Variants in SCAPER observed in about 807,000 individuals in gnomAD.
SCAPER encodes the protein S-phase cyclin A associated protein in the ER, also known as S phase cyclin A-associated protein in the endoplasmic reticulum.
A neutral mutation model predicts 182.2 loss-of-function variants in SCAPER; 98 were observed. That is an observed-to-expected ratio of 0.54 (90% confidence interval 0.46 to 0.64). The LOEUF is 0.64. Ranked by LOEUF, SCAPER falls within the 30% of genes least tolerant of loss-of-function variation. SCAPER has a pLI of 0.00. For missense variants in SCAPER, 1,432 were observed against 1,690.0 expected (o/e 0.85, Z 2.68); for synonymous variants, 605 against 564.6 (o/e 1.07, Z -1.01).
At chr15:76,607,712 A>C (rs1040480851) in intron 22 of SCAPER, among the ~76,000 whole-genome samples, 1 of 151,716 alleles carries the variant, frequency 6.6e-6, no homozygotes, top group Non-Finnish European at 1.5e-5. Flanking sequence ...AGCTTTGTTC[A>C]TTTCTTTTTA....
At chr15:76,624,780 C>T (rs886915449) in intron 21 of SCAPER, among the ~76,000 whole-genome samples, 3 of 152,164 alleles carry the variant, frequency 2.0e-5, no homozygotes, top group Non-Finnish European at 2.9e-5. Context: ...CTGATACCGG[C>T]GTTAGCAGGT....
In SCAPER at chr15:76,504,975, C is replaced by A; in HGVS notation, c.2839-1G>T. The A allele has an allele frequency of 6.2e-7, 1 of 1,609,438 alleles. No individual in the cohort carries two copies. The highest frequency in any genetic ancestry group is 8.5e-7 in the Non-Finnish European group (1 of 1,177,978). ...GAAATGCAATCTGATCTGCCACATT[C>A]TAGACAGAAATACAAACAGAAGTTA... On this transcript the variant is annotated splice_acceptor_variant, in intron 23 of 31. Transcript: ENST00000563290. LOFTEE classifies it high-confidence loss of function.
At chr15:76,884,045 G>A (rs1483524398) in intron 1 of SCAPER, among the ~76,000 whole-genome samples, 169 bp from the exon 2 acceptor site, 1 of 152,076 alleles carries the variant, frequency 6.6e-6, no homozygotes, top group Non-Finnish European at 1.5e-5. Context: ...AATATTCCAT[G>A]CTGAACAAGA....
At chr15:76,779,777 C>T (rs572127959) in intron 8 of SCAPER, among the ~76,000 whole-genome samples, 12 of 151,080 alleles carry the variant, frequency 7.9e-5, no homozygotes, top group Admixed American at 6.6e-5. Context: ...TGAACTGAGA[C>T]GCAAACATTT....
At chr15:76,555,653 T>C (rs1353868055) in intron 23 of SCAPER, among the ~76,000 whole-genome samples, 3 of 152,142 alleles carry the variant, frequency 2.0e-5, no homozygotes, top group African/African-American at 7.2e-5. Flanking sequence ...AGGGCATACA[T>C]AATAGTAAAG....
At chr15:76,418,531 C>T (rs1174633833) in intron 26 of SCAPER, among the ~76,000 whole-genome samples, 3 of 152,228 alleles carry the variant, frequency 2.0e-5, no homozygotes, top group Non-Finnish European at 4.4e-5. Flanking sequence ...CAGATCATCT[C>T]GGAACCAGAC....
At chr15:76,874,734 A>G (rs2073024254) in intron 2 of SCAPER, among the ~76,000 whole-genome samples, 1 of 152,192 alleles carries the variant, frequency 6.6e-6, no homozygotes, top group African/African-American at 2.4e-5. Context: ...AGGCAGGAGG[A>G]CTGCTTGAGA....
At position 76,760,939 on chromosome 15, in the gene SCAPER, C is replaced by A. The variant is rs528053544; in HGVS notation, c.1725+4022G>T. ...AAAATTTCAAGAAAGGTTGGTACTA[C>A]TTCTCCTTTATATGTTTCATAGAAT... On this transcript the variant is annotated intron_variant, in intron 14 of 31. Transcript: ENST00000563290. Among the ~76,000 whole-genome samples, 15 of 152,270 alleles carry A rather than the reference C, an allele frequency of 9.9e-5. No homozygotes were observed. In the East Asian group the frequency reaches 2.9e-3, roughly 29 times the overall value.
chr15:76,490,345 G>A (rs893488606), intron 24 of SCAPER, among the ~76,000 whole-genome samples: 1 of 152,144 alleles, frequency 6.6e-6, no homozygotes, highest in Non-Finnish European at 1.5e-5. Flanking sequence ...GGTGTGAGGT[G>A]CTATTTCGTT....
In SCAPER at chr15:76,389,690, C is replaced by T. The variant is rs547303662; in HGVS notation, c.3468-8075G>A. On this transcript the variant is annotated intron_variant, in intron 27 of 31. Transcript: ENST00000563290. ...AAAATTAGCTGGGCGTGGTGGCGGG[C>T]GCCTGTAGTCCCAGCTACATGGGGG... is the stretch of plus-strand genomic sequence containing the variant. 2.5e-4 allele frequency among the ~76,000 whole-genome samples: 38 copies of T among 149,522 alleles called. 1 individual carries two copies. The South Asian group carries it at 8.1e-3, about 32-fold the overall frequency.
chr15:76,451,988 CTT>C lies in SCAPER; in HGVS notation c.3079-17680_3079-17679del, dbSNP rs543856344. Among the ~76,000 whole-genome samples, 130 of 152,262 alleles carry C rather than the reference CTT, an allele frequency of 8.5e-4. 1 individual carries two copies. The highest frequency in any genetic ancestry group is 3.0e-3 in the African/African-American group (124 of 41,558). Reference sequence around the variant, plus strand: ...CCCACACCTGATCCACTTCTATTCTCTTTTCCTCTTCATTTTATCTCCTTCCT... The same window carrying C: ...CCCACACCTGATCCACTTCTATTCTCTTCCTCTTCATTTTATCTCCTTCCT... On this transcript the variant is annotated intron_variant, in intron 25 of 31. Coordinates refer to ENST00000563290, the MANE Select transcript of SCAPER (RefSeq NM_020843.4).
chr15:76,814,656 C>T (rs1006463437), intron 5 of SCAPER, among the ~76,000 whole-genome samples: 4 of 152,142 alleles, frequency 2.6e-5, no homozygotes, highest in Non-Finnish European at 5.9e-5. Context: ...AACTATAAAA[C>T]TTCTAGAAGA....
Position 76,502,519 on chromosome 15 carries a change from C to A in SCAPER, c.2954+2340G>T, listed in dbSNP as rs2041222038. ...ATCTCACTCATAGGTGGGAATTGAA[C>A]AATGAGAACACTTGGACACAGGGTG... is the stretch of plus-strand genomic sequence containing the variant. On this transcript the variant is annotated intron_variant, in intron 24 of 31. Transcript: ENST00000563290. Among the ~76,000 whole-genome samples the A allele has an allele frequency of 7.0e-5, 10 of 143,768 alleles. No individual in the cohort carries two copies. In the South Asian group the frequency reaches 2.0e-3, roughly 29 times the overall value. The allele number at this position is 143,768 out of a possible 152,430, so 94.3% of individuals were successfully genotyped here. A position where few individuals can be genotyped will look rare whatever the true frequency, so the allele number is the denominator to read the frequency against.
intron 29 of SCAPER, among the ~76,000 whole-genome samples, chr15:76,363,471 G>T (rs2041590966): frequency 6.6e-6 from 1 of 152,220 alleles, no homozygotes; most frequent in South Asian, 2.1e-4. Flanking sequence ...GAGAGGAGGG[G>T]TAGGGTAGGG....
intron 7 of SCAPER, among the ~76,000 whole-genome samples, chr15:76,798,556 AAG>A (rs1376280141): frequency 6.6e-6 from 1 of 152,090 alleles, no homozygotes; most frequent in Non-Finnish European, 1.5e-5. Context: ...ATACATATCC[AAG>A]AGACTCAACA....
At chr15:76,523,555 G>T (rs893354899) in intron 23 of SCAPER, among the ~76,000 whole-genome samples, 1 of 151,878 alleles carries the variant, frequency 6.6e-6, no homozygotes, top group South Asian at 2.1e-4. Flanking sequence ...TTACATCCAG[G>T]GAATCATTTA....
intron 23 of SCAPER, among the ~76,000 whole-genome samples, chr15:76,527,580 C>T (rs1004857267): frequency 1.3e-5 from 2 of 152,174 alleles, no homozygotes; most frequent in African/African-American, 4.8e-5. Flanking sequence ...AATTTTTATT[C>T]CACCTCCTTT....
chr15:76,843,864 A>G (rs1480520174), intron 4 of SCAPER, among the ~76,000 whole-genome samples: 1 of 152,154 alleles, frequency 6.6e-6, no homozygotes, highest in African/African-American at 2.4e-5. Context: ...TCTACTTACT[A>G]CTGACAAAAA....
At chr15:76,768,837 A>T (rs558953897) in intron 10 of SCAPER, among the ~76,000 whole-genome samples, 3,445 of 151,224 alleles carry the variant, frequency 0.023, 100 homozygotes, top group African/African-American at 0.066. Context: ...AAAAAAAAAA[A>T]AAATATATAT....
Sources: gnomAD v4.1 joint callset for allele counts (sites outside exome capture counted in the v4.1 genomes callset) on GRCh38, gnomAD v4.1.1 for gene constraint, MANE v1.5 for transcripts, NCBI Gene and HGNC (gene_info 2026-07-23, HGNC 2026-07-21) for gene names.